The following RNLS variants were observed in gnomAD, a reference collection of about 807,000 sequenced individuals.
RNLS encodes renalase, FAD dependent amine oxidase.
RNLS carries 39 observed loss-of-function variants against 39.8 expected under a neutral mutation model. The ratio of observed to expected loss-of-function variants is 0.98; its 90% CI spans 0.76 to 1.28. RNLS has a LOEUF of 1.28. RNLS is among the 50% of genes most tolerant of loss of function. The pLI is 0.00. For synonymous variants in RNLS, 147 were observed against 150.7 expected (o/e 0.98, Z 0.18); for missense variants, 410 against 413.3 (o/e 0.99, Z 0.07).
intron 6 of RNLS, among the ~76,000 whole-genome samples, chr10:88,291,186 A>C (rs191298554): frequency 1.3e-5 from 2 of 152,316 alleles, no homozygotes; most frequent in Non-Finnish European, 2.9e-5. Flanking sequence ...ATGACAAGTC[A>C]AAAGATAATG....
At chr10:88,334,650 TTGTC>T (rs1452089396) in intron 5 of RNLS, among the ~76,000 whole-genome samples, 1 of 152,232 alleles carries the variant, frequency 6.6e-6, no homozygotes, top group Admixed American at 6.5e-5. Flanking sequence ...CATTGTCTAT[TTGTC>T]TGTCTCCCCT....
intron 6 of RNLS, among the ~76,000 whole-genome samples, chr10:88,311,424 T>C (rs537114166): frequency 6.6e-6 from 1 of 152,282 alleles, no homozygotes; most frequent in East Asian, 1.9e-4. Context: ...ACATTTAAAT[T>C]ATGGAAGGCA....
intron 4 of RNLS, among the ~76,000 whole-genome samples, chr10:88,445,431 C>T (rs1841978290): frequency 6.6e-6 from 1 of 152,170 alleles, no homozygotes; most frequent in Non-Finnish European, 1.5e-5. Context: ...AACCAGCTCA[C>T]ATCATAATGA....
the RNLS span, among the ~76,000 whole-genome samples, chr10:88,260,744 G>C: frequency 2.0e-5 from 3 of 152,202 alleles, no homozygotes; most frequent in African/African-American, 4.8e-5. Context: ...CTGGCAAAGA[G>C]AGTTGACTTT....
chr10:88,420,027 T>G (rs1463185181), intron 4 of RNLS, among the ~76,000 whole-genome samples: 6 of 97,058 alleles, frequency 6.2e-5, no homozygotes, highest in Non-Finnish European at 1.2e-4. Flanking sequence ...AATAAATAAA[T>G]AAATAAATAA....
At chr10:88,457,509 A>G (rs903636565) in intron 4 of RNLS, among the ~76,000 whole-genome samples, 2 of 152,234 alleles carry the variant, frequency 1.3e-5, no homozygotes, top group African/African-American at 2.4e-5. Flanking sequence ...GTAGTCCTAC[A>G]TTCATGGTAA....
At chr10:88,524,391 A>G (rs545958712) in intron 4 of RNLS, among the ~76,000 whole-genome samples, 125 of 152,276 alleles carry the variant, frequency 8.2e-4, no homozygotes, top group Middle Eastern at 6.8e-3. Flanking sequence ...GGTATAGTAT[A>G]TAGTAGGTTC....
At chr10:88,206,170 T>A in the RNLS span, among the ~76,000 whole-genome samples, 13 of 152,354 alleles carry the variant, frequency 8.5e-5, no homozygotes, top group Admixed American at 4.6e-4. Flanking sequence ...CCTTAGCCTG[T>A]GGACTGCAAC....
At chr10:88,231,861 C>CA in the RNLS span, among the ~76,000 whole-genome samples, 19 of 151,456 alleles carry the variant, frequency 1.3e-4, no homozygotes, top group South Asian at 4.2e-4. Context: ...AATTAAACAA[C>CA]AAAAAAAATT....
intron 4 of RNLS, among the ~76,000 whole-genome samples, chr10:88,471,324 T>C (rs1843507608): frequency 6.6e-6 from 1 of 152,202 alleles, no homozygotes; most frequent in Admixed American, 6.5e-5. Flanking sequence ...GGGTGTGGAT[T>C]TCTACAGAAT....
the RNLS span, among the ~76,000 whole-genome samples, chr10:88,227,361 T>A: frequency 6.6e-6 from 1 of 152,196 alleles, no homozygotes; most frequent in African/African-American, 2.4e-5. Flanking sequence ...GAATGCACTA[T>A]AATGAGGTAA....
rs930026387 is a variant in RNLS, at chr10:88,309,311, G to C, written c.876+5155C>G. 6 of 927,902 alleles carry C rather than the reference G, an allele frequency of 6.5e-6. No homozygotes were observed. In the African/African-American group the frequency reaches 7.0e-5, roughly 11 times the overall value. 57.5% of individuals were successfully genotyped at this position (927,902 alleles called of 1,614,324 possible). ...TAAGGAAAAGAAAAAGAAAATGCAT[G>C]GGAAAAAGCAAGAAAAAATTAAAAT... On this transcript the variant is annotated intron_variant, in intron 6 of 6. Transcript: ENST00000331772.
intron 5 of RNLS, chr10:88,343,837 A>G: frequency 2.0e-6 from 2 of 984,852 alleles, no homozygotes; most frequent in Non-Finnish European, 2.4e-6. Context: ...AAAGGGTTTC[A>G]ATAGTCCTTT....
chr10:88,453,586 G>A (rs533424122), intron 4 of RNLS, among the ~76,000 whole-genome samples: 1 of 152,322 alleles, frequency 6.6e-6, no homozygotes, highest in Admixed American at 6.5e-5. Context: ...TCCAGAGCCT[G>A]CTTTCTGGGA....
chr10:88,184,704 A>T, the RNLS span, among the ~76,000 whole-genome samples: 2 of 152,306 alleles, frequency 1.3e-5, no homozygotes, highest in South Asian at 2.1e-4. Context: ...CATATAGTTG[A>T]CAGTAAACTA....
intron 5 of RNLS, among the ~76,000 whole-genome samples, chr10:88,322,008 T>C (rs1846219352): frequency 6.6e-6 from 1 of 152,132 alleles, no homozygotes; most frequent in Non-Finnish European, 1.5e-5. Context: ...AAGAAAACTA[T>C]AGGCCAATAT....
chr10:88,519,484 A>G (rs1846590450), intron 4 of RNLS, among the ~76,000 whole-genome samples: 1 of 150,842 alleles, frequency 6.6e-6, no homozygotes, highest in Admixed American at 6.6e-5. Flanking sequence ...TGTTCATTTC[A>G]AGATGTCTTT....
At chr10:88,437,424 T>C (rs1935580) in intron 4 of RNLS, among the ~76,000 whole-genome samples, 44,875 of 152,086 alleles carry the variant, frequency 0.3, 7,453 homozygotes, top group African/African-American at 0.46. Flanking sequence ...ACCAAGATAT[T>C]TATCTTATAA....
chr10:88,506,371 G>A (rs2134132038), intron 4 of RNLS, among the ~76,000 whole-genome samples: 1 of 152,110 alleles, frequency 6.6e-6, no homozygotes, highest in South Asian at 2.1e-4. Flanking sequence ...TTAGATCACA[G>A]TGTGCATTTA....
Sources: gnomAD v4.1 joint callset for allele counts (sites outside exome capture counted in the v4.1 genomes callset) on GRCh38, gnomAD v4.1.1 for gene constraint, MANE v1.5 for transcripts, NCBI Gene and HGNC (gene_info 2026-07-23, HGNC 2026-07-21) for gene names.